DLGAP2: variants seen among roughly 807,000 people sequenced by gnomAD.
DLGAP2 encodes disks large-associated protein 2.
In DLGAP2, 26 loss-of-function variants were observed where a neutral mutation model predicts 100.3. The ratio of observed to expected loss-of-function variants is 0.26; its 90% confidence interval spans 0.19 to 0.36. The LOEUF (loss-of-function observed/expected upper bound fraction) is 0.36, where lower values mean the gene tolerates loss of function less well. Ranked by LOEUF, DLGAP2 falls within the 10% of genes least tolerant of loss-of-function variation. DLGAP2 has a pLI of 1.00. For synonymous variants in DLGAP2, 886 were observed against 630.1 expected, an observed-to-expected ratio of 1.41 and a Z score of -6.08; for missense variants, 1,858 against 1,453.2, an observed-to-expected ratio of 1.28 and a Z score of -4.53.
chr8:1,690,151 T>G (rs1419234512), intron 12 of DLGAP2, among the ~76,000 whole-genome samples: 1 of 150,700 alleles, frequency 6.6e-6, no homozygotes, highest in Non-Finnish European at 1.5e-5. Flanking sequence ...AGGTCAGGAG[T>G]TCGAGACCAG....
At chr8:1,588,273 C>T (rs918337140) in intron 6 of DLGAP2, among the ~76,000 whole-genome samples, 1 of 152,060 alleles carries the variant, frequency 6.6e-6, no homozygotes, top group South Asian at 2.1e-4. Flanking sequence ...GTGCGACCTT[C>T]GAGATTCCAG....
At chr8:1,595,102 G>A (rs889591754) in intron 6 of DLGAP2, among the ~76,000 whole-genome samples, 6 of 151,756 alleles carry the variant, frequency 4.0e-5, no homozygotes, top group South Asian at 2.1e-4. Context: ...AGTGCAGGGC[G>A]TCATCTCAGC....
chr8:943,620 G>C (rs1043607114), intron 2 of DLGAP2, among the ~76,000 whole-genome samples: 1 of 151,854 alleles, frequency 6.6e-6, no homozygotes, highest in Non-Finnish European at 1.5e-5. Flanking sequence ...GGAGGAGCTG[G>C]CATGTGGACG....
chr8:1,000,121 G>T (rs1800904403), intron 2 of DLGAP2, among the ~76,000 whole-genome samples: 1 of 148,678 alleles, frequency 6.7e-6, no homozygotes, highest in Admixed American at 6.7e-5. Context: ...AGAGCAGACA[G>T]ATCCGGGTGG....
At chr8:1,297,152 T>C (rs1053692838) in intron 3 of DLGAP2, 1 of 152,258 alleles carries the variant, frequency 6.6e-6, no homozygotes, top group African/African-American at 2.4e-5. Context: ...GAAACGTTTT[T>C]ACAGCAATGC....
At position 1,499,710 on chromosome 8, in the gene DLGAP2, A is replaced by G. The variant is rs527339622; in HGVS notation, c.107-1656A>G. On this transcript the variant is annotated intron_variant, in intron 3 of 14. Coordinates refer to ENST00000637795, the MANE Select transcript of DLGAP2 (RefSeq NM_001346810.2). The stretch of plus-strand genomic sequence containing the variant: ...TAATTCAGATAGCTATTTCTTATAC[A>G]TGTGTGTTTTTTTAAAAGCTGTAAC... Among the ~76,000 whole-genome samples the G allele has an allele frequency of 3.3e-5, 5 of 152,308 alleles. No homozygotes were observed. In the South Asian group the frequency reaches 1.0e-3, roughly 32 times the overall value.
At chr8:1,427,395 C>T (rs1267729088) in intron 3 of DLGAP2, among the ~76,000 whole-genome samples, 1 of 152,176 alleles carries the variant, frequency 6.6e-6, no homozygotes, top group Non-Finnish European at 1.5e-5. Context: ...CAATTACAAA[C>T]ATTTTAAAGA....
At chr8:1,303,465 A>G (rs1015992981) in intron 3 of DLGAP2, among the ~76,000 whole-genome samples, 18 of 151,210 alleles carry the variant, frequency 1.2e-4, no homozygotes, top group African/African-American at 2.2e-4. Context: ...AAGATTTCCC[A>G]TGGGTGGGAA....
intron 1 of DLGAP2, among the ~76,000 whole-genome samples, chr8:759,374 G>A (rs1221375068): frequency 1.3e-5 from 2 of 151,958 alleles, no homozygotes; most frequent in Admixed American, 6.6e-5. Flanking sequence ...CGTCATTGCC[G>A]TGTGGAGTCC....
At chr8:1,131,884 A>G (rs1563208233) in intron 2 of DLGAP2, among the ~76,000 whole-genome samples, 1 of 152,136 alleles carries the variant, frequency 6.6e-6, no homozygotes, top group Non-Finnish European at 1.5e-5. Context: ...TCATTCTTCC[A>G]TTCTACTGGA....
At chr8:1,060,900 T>A (rs904231833) in intron 2 of DLGAP2, among the ~76,000 whole-genome samples, 1 of 152,142 alleles carries the variant, frequency 6.6e-6, no homozygotes, top group Non-Finnish European at 1.5e-5. Flanking sequence ...AGTCAAGGGA[T>A]CTTAGGGAAG....
At chr8:858,523 G>A (rs1427714568) in intron 1 of DLGAP2, among the ~76,000 whole-genome samples, 2 of 152,106 alleles carry the variant, frequency 1.3e-5, no homozygotes, top group East Asian at 1.9e-4. Flanking sequence ...TGCTGTCACC[G>A]TGGGCACGTG....
chr8:970,233 T>C (rs1303880781), intron 2 of DLGAP2, among the ~76,000 whole-genome samples: 1 of 152,230 alleles, frequency 6.6e-6, no homozygotes, highest in Non-Finnish European at 1.5e-5. Context: ...ATATTGTTAC[T>C]GATAGAGTTA....
intron 1 of DLGAP2, among the ~76,000 whole-genome samples, chr8:809,295 T>A (rs1796325002): frequency 6.6e-6 from 1 of 152,198 alleles, no homozygotes; most frequent in South Asian, 2.1e-4. Flanking sequence ...TCCAAATTAG[T>A]TCATAAACAA....
chr8:771,789 A>T (rs1332481490), intron 1 of DLGAP2, among the ~76,000 whole-genome samples: 2 of 152,258 alleles, frequency 1.3e-5, no homozygotes, highest in Non-Finnish European at 2.9e-5. Context: ...TACACTAACC[A>T]TAAAAATTGA....
chr8:921,550 C>T (rs1453981621), intron 2 of DLGAP2, among the ~76,000 whole-genome samples: 2 of 152,252 alleles, frequency 1.3e-5, no homozygotes, highest in African/African-American at 4.8e-5. Context: ...GGAGACCTCC[C>T]TTTCACTGGC....
intron 4 of DLGAP2, among the ~76,000 whole-genome samples, chr8:1,537,930 T>C (rs1020413333): frequency 6.6e-6 from 1 of 152,164 alleles, no homozygotes; most frequent in Non-Finnish European, 1.5e-5. Flanking sequence ...CAATGGGTCT[T>C]AAAGATGGAT....
At chr8:1,640,376 G>C (rs1027145569) in intron 8 of DLGAP2, among the ~76,000 whole-genome samples, 8 of 149,458 alleles carry the variant, frequency 5.4e-5, no homozygotes, top group Non-Finnish European at 1.2e-4. Flanking sequence ...TGTCAGACCT[G>C]CTGCTGACAT....
chr8:1,433,349 A>G (rs1797514849), intron 3 of DLGAP2, among the ~76,000 whole-genome samples: 1 of 152,206 alleles, frequency 6.6e-6, no homozygotes, highest in Non-Finnish European at 1.5e-5. Context: ...CTAGGAGTGC[A>G]TGGCCTACGT....
Sources: gnomAD v4.1 joint callset for allele counts (sites outside exome capture counted in the v4.1 genomes callset) on GRCh38, gnomAD v4.1.1 for gene constraint, MANE v1.5 for transcripts, NCBI Gene and HGNC (gene_info 2026-07-23, HGNC 2026-07-21) for gene names.